SRCIN1: variants seen among roughly 807,000 people sequenced by gnomAD.
SRCIN1 encodes the protein SRC kinase signaling inhibitor 1, also known as P130Cas-associated protein.
SRCIN1 carries 50 observed loss-of-function variants against 116.2 expected under a neutral mutation model. The observed-to-expected ratio is 0.43, with a 90% confidence interval of 0.34 to 0.54. SRCIN1 has a LOEUF of 0.54. Among genes scored for constraint, SRCIN1 ranks in the 20% least tolerant of loss-of-function variants. The pLI is 0.02. For missense variants in SRCIN1, 1,446 were observed against 1,672.0 expected (o/e 0.86, Z 2.36); for synonymous variants, 736 against 750.0 (o/e 0.98, Z 0.30).
intron 2 of SRCIN1, among the ~76,000 whole-genome samples, chr17:38,571,956 C>A (rs368849854): frequency 2.0e-5 from 3 of 152,326 alleles, no homozygotes; most frequent in Admixed American, 6.5e-5. Context: ...GGTTTTCCCC[C>A]CCTCGGCCCT....
At chr17:38,577,373 G>A (rs1410257044) in intron 2 of SRCIN1, among the ~76,000 whole-genome samples, 1 of 152,214 alleles carries the variant, frequency 6.6e-6, no homozygotes, top group East Asian at 1.9e-4. Flanking sequence ...GCTCCCAGAA[G>A]GACTTCAGAG....
Sources: allele counts gnomAD v4.1 joint callset (sites outside exome capture counted in the v4.1 genomes callset), GRCh38; gene constraint gnomAD v4.1.1; transcripts MANE v1.5; gene names NCBI Gene and HGNC (gene_info 2026-07-23, HGNC 2026-07-21).